VPS13B: variants seen among roughly 807,000 people sequenced by gnomAD.
The protein encoded by VPS13B is intermembrane lipid transfer protein VPS13B.
A neutral mutation model predicts 426.4 loss-of-function variants in VPS13B; 285 were observed. That is an observed-to-expected ratio of 0.67 (90% CI 0.61 to 0.74). The LOEUF is 0.74. VPS13B is among the 30% of genes least tolerant of loss of function. The pLI, the probability that VPS13B is intolerant of heterozygous loss-of-function variation, is 0.00. For missense variants in VPS13B, 4,537 were observed against 4,782.6 expected (o/e 0.95, Z 1.51); for synonymous variants, 1,676 against 1,676.4 (o/e 1.00, Z 0.01).
intron 35 of VPS13B, among the ~76,000 whole-genome samples, chr8:99,687,888 T>C (rs1831485963): frequency 6.6e-6 from 1 of 152,018 alleles, no homozygotes; most frequent in African/African-American, 2.4e-5. Context: ...GCAGGGTGAT[T>C]GGTGGAGGCT....
At chr8:99,789,183 A>G (rs1812423509) in intron 43 of VPS13B, among the ~76,000 whole-genome samples, 1 of 152,178 alleles carries the variant, frequency 6.6e-6, no homozygotes, top group Admixed American at 6.6e-5. Context: ...CCTATCTTTT[A>G]GTAATTCCAG....
intron 30 of VPS13B, among the ~76,000 whole-genome samples, chr8:99,527,394 G>A (rs190189885): frequency 1.5e-3 from 233 of 152,208 alleles, no homozygotes; most frequent in African/African-American, 5.2e-3. Context: ...GCCCAGGTAT[G>A]TATTGTCATT....
At chr8:99,791,122 T>C (rs988539118) in intron 43 of VPS13B, among the ~76,000 whole-genome samples, 2 of 152,134 alleles carry the variant, frequency 1.3e-5, no homozygotes, top group Admixed American at 6.5e-5. Flanking sequence ...GAGGTATATA[T>C]AAACAGCAAG....
intron 35 of VPS13B, among the ~76,000 whole-genome samples, chr8:99,692,091 A>T (rs1831698217): frequency 6.9e-6 from 1 of 144,270 alleles, no homozygotes; most frequent in African/African-American, 2.6e-5. Flanking sequence ...CACATTAATA[A>T]TGGGAGACTT....
intron 19 of VPS13B, among the ~76,000 whole-genome samples, chr8:99,284,417 A>C (rs1819325835): frequency 6.6e-6 from 1 of 152,204 alleles, no homozygotes; most frequent in Non-Finnish European, 1.5e-5. Flanking sequence ...TCTACAGTGA[A>C]TCAACTTCTA....
intron 21 of VPS13B, 151 bp from the exon 22 acceptor site, chr8:99,431,386 A>C: frequency 9.3e-7 from 1 of 1,071,454 alleles, no homozygotes; most frequent in Non-Finnish European, 1.3e-6. Context: ...TCAGTTCTAT[A>C]AGAGAAAATG....
chr8:99,835,470 AT>A, intron 53 of VPS13B, 68 bp from the exon 54 acceptor site: 1 of 1,553,894 alleles, frequency 6.4e-7, no homozygotes, highest in Admixed American at 1.7e-5. Flanking sequence ...CTTTTGCCAC[AT>A]TATGTTCTGT....
At chr8:99,272,717 G>A (rs1818664509) in intron 17 of VPS13B, among the ~76,000 whole-genome samples, 1 of 152,078 alleles carries the variant, frequency 6.6e-6, no homozygotes, top group South Asian at 2.1e-4. Flanking sequence ...CCTTTAGCAA[G>A]TAGTACATAA....
At chr8:99,310,489 T>C (rs1820895159) in intron 19 of VPS13B, among the ~76,000 whole-genome samples, 2 of 152,222 alleles carry the variant, frequency 1.3e-5, no homozygotes, top group Admixed American at 6.5e-5. Flanking sequence ...TGGATTATGT[T>C]TATTGATTTG....
intron 20 of VPS13B, among the ~76,000 whole-genome samples, chr8:99,390,735 C>T (rs1814395429): frequency 6.6e-6 from 1 of 152,142 alleles, no homozygotes; most frequent in African/African-American, 2.4e-5. Context: ...CAAACTGTGG[C>T]TAAAACGCAA....
intron 43 of VPS13B, among the ~76,000 whole-genome samples, chr8:99,807,105 T>C (rs1200362809): frequency 6.6e-6 from 1 of 152,242 alleles, no homozygotes; most frequent in Non-Finnish European, 1.5e-5. Flanking sequence ...GTGTTACAAA[T>C]GCTTTTCTCC....
At chr8:99,081,500 G>A (rs1033132151) in intron 3 of VPS13B, among the ~76,000 whole-genome samples, 10 of 151,748 alleles carry the variant, frequency 6.6e-5, no homozygotes, top group African/African-American at 2.4e-4. Flanking sequence ...ATGTATACAT[G>A]TGCCATGTTG....
chr8:99,706,686 C>T (rs967364209), intron 36 of VPS13B, among the ~76,000 whole-genome samples: 2 of 152,066 alleles, frequency 1.3e-5, no homozygotes, highest in African/African-American at 4.8e-5. Context: ...AATTGTGTGC[C>T]ATTACATTGG....
intron 19 of VPS13B, among the ~76,000 whole-genome samples, chr8:99,315,222 T>C (rs1294404300): frequency 6.6e-6 from 1 of 152,172 alleles, no homozygotes; most frequent in Non-Finnish European, 1.5e-5. Context: ...ATTAAATAGC[T>C]TTATTCCTTT....
At chr8:99,505,934 G>A (rs1821476987) in intron 27 of VPS13B, among the ~76,000 whole-genome samples, 1 of 152,092 alleles carries the variant, frequency 6.6e-6, no homozygotes, top group Non-Finnish European at 1.5e-5. Context: ...ATAAAATTTT[G>A]TTTTATAAGA....
chr8:99,321,154 G>A (rs1471479945), intron 19 of VPS13B, among the ~76,000 whole-genome samples: 2 of 150,736 alleles, frequency 1.3e-5, no homozygotes, highest in Non-Finnish European at 3.0e-5. Context: ...ATGATTTTAG[G>A]TTGTTTTAGA....
intron 19 of VPS13B, among the ~76,000 whole-genome samples, chr8:99,335,787 C>A (rs1259090376): frequency 6.6e-6 from 1 of 152,080 alleles, no homozygotes; most frequent in Admixed American, 6.6e-5. Flanking sequence ...GAATAAAATA[C>A]CTAGGAATCC....
intron 15 of VPS13B, among the ~76,000 whole-genome samples, chr8:99,167,469 A>T (rs1013959248): frequency 6.6e-6 from 1 of 151,982 alleles, no homozygotes; most frequent in African/African-American, 2.4e-5. Context: ...AACAAAAATT[A>T]TTTATTGTAT....
chr8:99,528,069 A>T (rs1162956900), intron 30 of VPS13B: 1 of 152,118 alleles, frequency 6.6e-6, no homozygotes, highest in Non-Finnish European at 1.5e-5. Context: ...TTAAATAATG[A>T]AAACAAGTCT....
Sources: allele counts gnomAD v4.1 joint callset (sites outside exome capture counted in the v4.1 genomes callset), GRCh38; gene constraint gnomAD v4.1.1; transcripts MANE v1.5; gene names NCBI Gene and HGNC (gene_info 2026-07-23, HGNC 2026-07-21).